Variants in MIOS observed in about 807,000 individuals in gnomAD.
MIOS encodes the protein meiosis regulator for oocyte development.
MIOS carries 52 observed loss-of-function variants against 96.9 expected under a neutral mutation model. The observed-to-expected ratio is 0.54, with a 90% CI of 0.43 to 0.68. The LOEUF is 0.68. Ranked by LOEUF, MIOS falls within the 30% of genes least tolerant of loss-of-function variation. The probability of loss-of-function intolerance (pLI) is 0.00; values close to 1 mark genes in which losing one functional copy is unlikely to be tolerated. For synonymous variants in MIOS, 397 were observed against 359.5 expected, an observed-to-expected ratio of 1.10 and a Z score of -1.18; for missense variants, 1,005 against 1,052.8, an observed-to-expected ratio of 0.95 and a Z score of 0.63.
Position 7,572,744 on chromosome 7 carries a change from C to G in MIOS, c.269C>G (p.Thr90Arg). Residue 90 changes from threonine to arginine, a missense_variant, in exon 4 of 13, where the codon ACA (threonine) becomes AGA (arginine). Coordinates refer to ENST00000340080, the MANE Select transcript of MIOS (RefSeq NM_019005.4). This position sits in a 1 kb window ranked among gnomAD's most constrained non-coding sequence, Gnocchi z 4.8. Reference protein sequence around the residue: ...VGQANGRVVLTSLGQDHNSKF... With the variant: ...VGQANGRVVLRSLGQDHNSKF... ...CAAGCAAATGGTCGAGTTGTACTTA[C>G]AAGCCTTGGTCAAGATCATAACTCA... 1.9e-6 allele frequency: 3 copies of G among 1,614,112 alleles called. No individual in the cohort carries two copies. Among genetic ancestry groups the G allele is most frequent in the Non-Finnish European group, 2.5e-6 (3 of 1,179,994 alleles).
chr7:7,609,057 T>C (rs1784599264), downstream of MIOS: 2 of 152,118 alleles, frequency 1.3e-5, no homozygotes, highest in Admixed American at 6.6e-5. Context: ...ATACTTTACC[T>C]AAACATGATC....
chr7:7,576,994 T>C (rs139977481), intron 5 of MIOS, among the ~76,000 whole-genome samples: 5 of 152,242 alleles, frequency 3.3e-5, no homozygotes, highest in African/African-American at 1.2e-4. Context: ...TTGGAGCAAG[T>C]TGAAATCAAG....
intron 10 of MIOS, among the ~76,000 whole-genome samples, chr7:7,595,528 GA>G (rs1373217333): frequency 6.6e-6 from 1 of 152,116 alleles, no homozygotes; most frequent in African/African-American, 2.4e-5. Flanking sequence ...ATTACACATG[GA>G]AATTTTTTTT....
At chr7:7,588,042 A>G (rs1344273352) in intron 7 of MIOS, among the ~76,000 whole-genome samples, 1 of 152,198 alleles carries the variant, frequency 6.6e-6, no homozygotes, top group Non-Finnish European at 1.5e-5. Context: ...TTGGAAACGT[A>G]TATTGGTATT....
At chr7:7,579,958 A>G (rs932875916) in intron 5 of MIOS, among the ~76,000 whole-genome samples, 1 of 152,218 alleles carries the variant, frequency 6.6e-6, no homozygotes, top group African/African-American at 2.4e-5. Flanking sequence ...CATGATTTCT[A>G]TAAAATAAAA....
At chr7:7,568,751 G>A (rs1050690691) in intron 3 of MIOS, among the ~76,000 whole-genome samples, 4 of 152,170 alleles carry the variant, frequency 2.6e-5, no homozygotes, top group African/African-American at 9.7e-5. Flanking sequence ...AGAGACCTTG[G>A]ATAACCACCC....
At position 7,588,503 on chromosome 7, in the gene MIOS, A is replaced by G. The variant is rs762632908; in HGVS notation, c.1824A>G (p.Glu608=). The G allele has an allele frequency of 1.3e-6, 2 of 1,577,232 alleles. No homozygotes were observed. The highest frequency in any genetic ancestry group is 2.4e-5 in the South Asian group (2 of 82,222). Residue 608 remains glutamate (E), a synonymous_variant, in exon 8 of 13, where the codon GAA becomes GAG. Coordinates refer to ENST00000340080, the MANE Select transcript of MIOS (RefSeq NM_019005.4). ...ETGSYDGVLY[E]NKVAVRDRVA... is the part of the protein sequence containing the mutation. ...GCTTTTTCTCTTCTTTCCAGTATGA[A>G]AACAAAGTTGCAGTACGTGACAGAG... is the stretch of plus-strand genomic sequence containing the variant.
intron 3 of MIOS, among the ~76,000 whole-genome samples, chr7:7,571,802 T>C (rs1375228787): frequency 6.6e-6 from 1 of 152,248 alleles, no homozygotes. Context: ...AGGCTGATGC[T>C]TATTACTAAA....
intron 11 of MIOS, among the ~76,000 whole-genome samples, chr7:7,598,359 A>G (rs1784276337): frequency 1.3e-5 from 2 of 152,172 alleles, no homozygotes; most frequent in Admixed American, 1.3e-4. Context: ...AACATTTATG[A>G]AAGACTTGCT....
intron 8 of MIOS, 108 bp downstream of exon 8, chr7:7,588,671 C>A: frequency 1.7e-6 from 1 of 571,760 alleles, no homozygotes; most frequent in Non-Finnish European, 2.7e-6. Context: ...TAAGCTAATT[C>A]TTCTAAAAAG....
chr7:7,586,256 T>G (rs1211274312), intron 7 of MIOS, among the ~76,000 whole-genome samples: 1 of 152,146 alleles, frequency 6.6e-6, no homozygotes, highest in Non-Finnish European at 1.5e-5. Flanking sequence ...ATACATCTTG[T>G]CCCAGTTAGT....
chr7:7,585,060 A>G (rs773140279), intron 6 of MIOS, among the ~76,000 whole-genome samples: 2 of 152,176 alleles, frequency 1.3e-5, no homozygotes, highest in Non-Finnish European at 2.9e-5. Context: ...AAGTGTCTGC[A>G]TTATATATTT....
intron 5 of MIOS, among the ~76,000 whole-genome samples, chr7:7,577,254 G>A (rs182897548): frequency 3.9e-5 from 6 of 152,214 alleles, no homozygotes; most frequent in Non-Finnish European, 5.9e-5. Context: ...TCAGTTGTCC[G>A]GTGCTCCATG....
chr7:7,603,448 A>G (rs1339618201), intron 11 of MIOS, among the ~76,000 whole-genome samples: 6 of 151,844 alleles, frequency 4.0e-5, no homozygotes, highest in African/African-American at 1.2e-4. Context: ...GCAGCCAAAA[A>G]ACACGTGAAA....
At chr7:7,603,553 C>T (rs1784439456) in intron 11 of MIOS, among the ~76,000 whole-genome samples, 1 of 152,146 alleles carries the variant, frequency 6.6e-6, no homozygotes, top group Non-Finnish European at 1.5e-5. Context: ...ATTAAAAAGT[C>T]AGGAAACAAC....
At chr7:7,585,357 A>C (rs1271614574) in intron 6 of MIOS, among the ~76,000 whole-genome samples, 1 of 151,734 alleles carries the variant, frequency 6.6e-6, no homozygotes, top group East Asian at 1.9e-4. Flanking sequence ...AAGGGTAGAA[A>C]TGTTTTGCTT....
chr7:7,573,327 C>T lies in MIOS; in HGVS notation c.852C>T (p.Ala284=). 1.2e-6 allele frequency: 2 copies of T among 1,614,042 alleles called. No homozygotes were observed. Among genetic ancestry groups the T allele is most frequent in the South Asian group, 1.1e-5 (1 of 91,076 alleles). ...AWCPTRTGLL[A]TLTRDSNIIR... is the part of the protein sequence containing the mutation. ...GTCCCACTAGGACTGGTCTACTTGC[C>T]ACTTTAACAAGGGATAGTAATATTA... Residue 284 remains alanine (A), a synonymous_variant, in exon 4 of 13, where the codon GCC becomes GCT. Coordinates refer to ENST00000340080, the MANE Select transcript of MIOS (RefSeq NM_019005.4). This position sits in a 1 kb window ranked among gnomAD's most constrained non-coding sequence, Gnocchi z 5.0.
chr7:7,572,593 G>C lies in MIOS; in HGVS notation c.118G>C (p.Ala40Pro). 1 of 1,614,020 alleles carries C rather than the reference G, an allele frequency of 6.2e-7. No homozygotes were observed. The highest frequency in any genetic ancestry group is 1.3e-5 in the African/African-American group (1 of 74,994). The change falls in exon 4 of 13, where the codon GCT becomes CCT. Residue 40 changes from alanine (A) to proline (P), a missense_variant. Coordinates refer to ENST00000340080, the MANE Select transcript of MIOS (RefSeq NM_019005.4). This position sits in a 1 kb window ranked among gnomAD's most constrained non-coding sequence, Gnocchi z 4.8. ...VESTVNSELK[A>P]GSLRLSEDSA... Reference sequence around the variant, plus strand: ...ATCTACTGTGAATTCAGAACTCAAAGCTGGATCTTTACGTTTATCTGAAGA... The same window carrying C: ...ATCTACTGTGAATTCAGAACTCAAACCTGGATCTTTACGTTTATCTGAAGA...
In MIOS at chr7:7,597,787, C is replaced by G. The variant is rs542182843; in HGVS notation, c.2401+1326C>G. Reference sequence around the variant, plus strand: ...GATCTCGGCTCACGGCAACCTCTGCCTACTGCCTCCTGCCTCCTGGGCTCA... The same window carrying G: ...GATCTCGGCTCACGGCAACCTCTGCGTACTGCCTCCTGCCTCCTGGGCTCA... On this transcript the variant is annotated intron_variant, in intron 11 of 12. Coordinates refer to ENST00000340080, the MANE Select transcript of MIOS (RefSeq NM_019005.4). Among the ~76,000 whole-genome samples, 196 of 151,826 alleles carry G rather than the reference C, an allele frequency of 1.3e-3. 1 individual carries two copies. The highest frequency in any genetic ancestry group is 4.6e-3 in the African/African-American group (190 of 41,458).
Sources: gnomAD v4.1 joint callset for allele counts (sites outside exome capture counted in the v4.1 genomes callset) on GRCh38, gnomAD v4.1.1 for gene constraint, Gnocchi (gnomAD v3.1) non-coding constraint, MANE v1.5 for transcripts, NCBI Gene and HGNC (gene_info 2026-07-23, HGNC 2026-07-21) for gene names.